The following ARHGAP18 variants were observed in gnomAD, a reference collection of about 807,000 sequenced individuals.
The protein encoded by ARHGAP18 is rho GTPase-activating protein 18.
ARHGAP18 carries 67 observed loss-of-function variants against 86.2 expected under a neutral mutation model. The ratio of observed to expected loss-of-function variants is 0.78; its 90% CI spans 0.64 to 0.95. ARHGAP18 has a LOEUF of 0.95. Ranked by LOEUF, ARHGAP18 falls within the 40% of genes least tolerant of loss-of-function variation. The probability of loss-of-function intolerance (pLI) is 0.00; values close to 1 mark genes in which losing one functional copy is unlikely to be tolerated. For synonymous variants in ARHGAP18, 283 were observed against 280.4 expected (o/e 1.01, Z -0.09); for missense variants, 691 against 780.4 (o/e 0.89, Z 1.37).
intron 1 of ARHGAP18, among the ~76,000 whole-genome samples, chr6:129,649,825 A>G (rs1187827275): frequency 6.6e-6 from 1 of 152,104 alleles, no homozygotes; most frequent in East Asian, 1.9e-4. Context: ...TTCTAGAGAA[A>G]TATATGACAC....
Position 129,625,290 on chromosome 6 carries a change from A to G in ARHGAP18, c.786+4063T>C, listed in dbSNP as rs1437596738. Among the ~76,000 whole-genome samples the G allele has an allele frequency of 3.7e-5, 3 of 80,840 alleles. 1 individual carries two copies. Among genetic ancestry groups the G allele is most frequent in the Non-Finnish European group, 6.4e-5 (3 of 46,660 alleles). The allele number at this position is 80,840 out of a possible 152,430, so 53.0% of individuals were successfully genotyped here. On this transcript the variant is annotated intron_variant, in intron 5 of 14. Transcript: ENST00000368149. ...TGATATATATTTATATGTAATATAT[A>G]TGATATATGATATATATTTATATGT...
Position 129,599,199 on chromosome 6 carries a change from C to A in ARHGAP18, c.1713+17G>T, listed in dbSNP as rs538371710. On this transcript the variant is annotated intron_variant, in intron 12 of 14. Coordinates refer to ENST00000368149, the MANE Select transcript of ARHGAP18 (RefSeq NM_033515.3). ...ACTTAAGATCTGAATAAATACATATCTCCACTATTTTCTTACATCATTTGT... is the reference window on the plus strand; with the variant it reads ...ACTTAAGATCTGAATAAATACATATATCCACTATTTTCTTACATCATTTGT... 16 of 1,511,588 alleles carry A rather than the reference C, an allele frequency of 1.1e-5. No homozygotes were observed. The highest frequency in any genetic ancestry group is 1.4e-5 in the Non-Finnish European group (16 of 1,135,494). 93.6% of individuals were successfully genotyped at this position (1,511,588 alleles called of 1,614,324 possible).
At chr6:129,665,412 T>C (rs1189873420) in intron 1 of ARHGAP18, among the ~76,000 whole-genome samples, 2 of 151,586 alleles carry the variant, frequency 1.3e-5, no homozygotes, top group Non-Finnish European at 2.9e-5. Flanking sequence ...TAGCCAGGTG[T>C]GGTGGTGCAT....
At chr6:129,609,005 GA>G (rs75073976) in intron 8 of ARHGAP18, among the ~76,000 whole-genome samples, 13,137 of 141,766 alleles carry the variant, frequency 0.093, 955 homozygotes, top group East Asian at 0.19. Flanking sequence ...GGAGGAAGAG[GA>G]AAAAAAAAAG....
chr6:129,703,031 C>A (rs1774744993), intron 1 of ARHGAP18, among the ~76,000 whole-genome samples: 1 of 151,858 alleles, frequency 6.6e-6, no homozygotes, highest in East Asian at 1.9e-4. Context: ...GAAAAAGAGG[C>A]AGGAGAAAGA....
At position 129,663,357 on chromosome 6, in the gene ARHGAP18, G is replaced by A. The variant is rs1773988075; in HGVS notation, c.114-21339C>T. ...ATACGAATGATCCAGTCCCTATCTT[G>A]CTCTGACAACACAGGCTTTTTCTTT... is the stretch of plus-strand genomic sequence containing the variant. On this transcript the variant is annotated intron_variant, in intron 1 of 14. Coordinates refer to ENST00000368149, the MANE Select transcript of ARHGAP18 (RefSeq NM_033515.3). 3.3e-5 allele frequency among the ~76,000 whole-genome samples: 5 copies of A among 152,344 alleles called. No homozygotes were observed. The South Asian group carries it at 1.0e-3, about 32-fold the overall frequency.
chr6:129,588,556 T>C (rs1788446758), intron 12 of ARHGAP18, among the ~76,000 whole-genome samples: 1 of 152,240 alleles, frequency 6.6e-6, no homozygotes, highest in African/African-American at 2.4e-5. Context: ...CCCTCCCGGC[T>C]GCTTTCACAG....
At chr6:129,614,290 T>C (rs1789045594) in intron 7 of ARHGAP18, among the ~76,000 whole-genome samples, 1 of 152,192 alleles carries the variant, frequency 6.6e-6, no homozygotes, top group Non-Finnish European at 1.5e-5. Context: ...TATGACCTAA[T>C]TGAGTTGTCA....
Position 129,638,379 on chromosome 6 carries a change from A to C in ARHGAP18, c.552+15T>G, listed in dbSNP as rs1315387766. The C allele has an allele frequency of 1.9e-6, 3 of 1,608,804 alleles. No individual in the cohort carries two copies. The highest frequency in any genetic ancestry group is 2.6e-6 in the Non-Finnish European group (3 of 1,176,226). On this transcript the variant is annotated intron_variant, in intron 3 of 14. Transcript: ENST00000368149. ...CAATTATTCCTTTGCCTTAACATCA[A>C]AAAAGAAAACCTACTGTTTCTTTTG...
Position 129,641,813 on chromosome 6 carries a change from T to C in ARHGAP18, c.316+3A>G, listed in dbSNP as rs760002448. On this transcript the variant is annotated splice_donor_region_variant and intron_variant, in intron 2 of 14. Coordinates refer to ENST00000368149, the MANE Select transcript of ARHGAP18 (RefSeq NM_033515.3). ...ACAAAAGCTTTATTTAGTTAGTTAT[T>C]ACCATCAGGCTCTTTGACAACAACC... is the stretch of plus-strand genomic sequence containing the variant. The C allele has an allele frequency of 1.2e-6, 2 of 1,610,848 alleles. No homozygotes were observed. The highest frequency in any genetic ancestry group is 1.7e-6 in the Non-Finnish European group (2 of 1,177,922).
At chr6:129,681,822 G>A (rs1474588689) in intron 1 of ARHGAP18, among the ~76,000 whole-genome samples, 1 of 152,194 alleles carries the variant, frequency 6.6e-6, no homozygotes. Context: ...AGAACATGGT[G>A]ACCAAGTTCA....
At chr6:129,625,366 TTTA>T (rs1423148871) in intron 5 of ARHGAP18, among the ~76,000 whole-genome samples, 8 of 64,760 alleles carry the variant, frequency 1.2e-4, no homozygotes, top group African/African-American at 4.9e-4. Flanking sequence ...ATTATGTATA[TTTA>T]TATATATTAT....
chr6:129,597,148 ATT>A (rs552291727), intron 12 of ARHGAP18, among the ~76,000 whole-genome samples: 9 of 143,230 alleles, frequency 6.3e-5, no homozygotes, highest in African/African-American at 1.0e-4. Flanking sequence ...ATTGATTAGA[ATT>A]TTTTTTTTTT....
intron 6 of ARHGAP18, 79 bp downstream of exon 6, chr6:129,618,608 C>T: frequency 7.3e-7 from 1 of 1,367,848 alleles, no homozygotes; most frequent in Non-Finnish European, 9.8e-7. Context: ...TTCCCTGTCT[C>T]CCAGAAATAC....
chr6:129,658,433 AAC>A (rs1773885287), intron 1 of ARHGAP18, among the ~76,000 whole-genome samples: 1 of 152,088 alleles, frequency 6.6e-6, no homozygotes, highest in Admixed American at 6.5e-5. Context: ...AAAAAAAAAA[AAC>A]ATAAAAGTGA....
intron 1 of ARHGAP18, among the ~76,000 whole-genome samples, chr6:129,645,215 T>C (rs1773554017): frequency 6.6e-6 from 1 of 152,314 alleles, no homozygotes; most frequent in Middle Eastern, 3.4e-3. Flanking sequence ...ACTTCTTTTC[T>C]TTGTAGAATA....
intron 1 of ARHGAP18, among the ~76,000 whole-genome samples, chr6:129,687,234 G>A (rs1774444977): frequency 6.6e-6 from 1 of 152,018 alleles, no homozygotes; most frequent in Non-Finnish European, 1.5e-5. Flanking sequence ...TTTAGGACTT[G>A]CAACTCTAGT....
chr6:129,582,608 A>G (rs1366379642), intron 13 of ARHGAP18, among the ~76,000 whole-genome samples: 2 of 152,198 alleles, frequency 1.3e-5, no homozygotes, highest in Non-Finnish European at 2.9e-5. Flanking sequence ...GGGAGCAAAG[A>G]CATCTGAGAT....
intron 5 of ARHGAP18, among the ~76,000 whole-genome samples, chr6:129,620,478 A>C (rs1789204590): frequency 2.0e-5 from 3 of 152,238 alleles, no homozygotes; most frequent in Admixed American, 2.0e-4. Flanking sequence ...ATCATCTTTT[A>C]ATATTAAACA....
Sources: gnomAD v4.1 joint callset for allele counts (sites outside exome capture counted in the v4.1 genomes callset) on GRCh38, gnomAD v4.1.1 for gene constraint, MANE v1.5 for transcripts, NCBI Gene and HGNC (gene_info 2026-07-23, HGNC 2026-07-21) for gene names.